The following ANO10 variants were observed in gnomAD, a reference collection of about 807,000 sequenced individuals.
The protein encoded by ANO10 is anoctamin 10.
Under a neutral mutation model 74.7 loss-of-function variants are expected in ANO10, and 77 were observed. The observed-to-expected ratio is 1.03, with a 90% CI of 0.86 to 1.25. The LOEUF (loss-of-function observed/expected upper bound fraction) is 1.25. ANO10 is among the 50% of genes most tolerant of loss of function. ANO10 has a pLI of 0.00. For synonymous variants in ANO10, 279 were observed against 284.9 expected (o/e 0.98, Z 0.21); for missense variants, 721 against 778.1 (o/e 0.93, Z 0.87).
At chr3:43,625,349 A>G (rs1368209987), upstream of ANO10, among the ~76,000 whole-genome samples, 1 of 152,208 alleles carries the variant, frequency 6.6e-6, no homozygotes, top group Non-Finnish European at 1.5e-5. Flanking sequence ...AAGGAGAAAA[A>G]AATAAAAACA....
At chr3:43,417,773 C>CT (rs1475990284) in intron 12 of ANO10, among the ~76,000 whole-genome samples, 1 of 152,128 alleles carries the variant, frequency 6.6e-6, no homozygotes, top group East Asian at 1.9e-4. Flanking sequence ...TGCTAGTGCT[C>CT]TATCAATGGC....
At position 43,566,262 on chromosome 3, in the gene ANO10, G is replaced by A. The variant is rs572693330; in HGVS notation, c.1219-535C>T. Among the ~76,000 whole-genome samples, 796 of 152,336 alleles carry A rather than the reference G, an allele frequency of 5.2e-3. 5 individuals are homozygous for A. Among genetic ancestry groups the A allele is most frequent in the African/African-American group, 0.017 (723 of 41,580 alleles). ...AAGGCGGCAGCGAGGCTGGGGGAGG[G>A]GCGCCCGCCATTGCCCAGGCTTGAT... On this transcript the variant is annotated intron_variant, in intron 7 of 12. Coordinates refer to ENST00000292246, the MANE Select transcript of ANO10 (RefSeq NM_018075.5).
At chr3:43,626,265 T>G (rs1256026408), upstream of ANO10, among the ~76,000 whole-genome samples, 1 of 150,454 alleles carries the variant, frequency 6.6e-6, no homozygotes, top group Non-Finnish European at 1.5e-5. Flanking sequence ...CATGGTTTCT[T>G]GTTTACATCT....
At chr3:43,402,848 C>A (rs906156) in intron 12 of ANO10, among the ~76,000 whole-genome samples, 149,379 of 152,318 alleles carry the variant, frequency 0.98, 73,315 homozygotes, top group East Asian at 1. Context: ...ATGCCCTACA[C>A]CAAATAAACA....
chr3:43,481,847 G>A (rs2076279968), intron 11 of ANO10, among the ~76,000 whole-genome samples: 2 of 151,846 alleles, frequency 1.3e-5, no homozygotes, highest in South Asian at 4.2e-4. Context: ...AGTCCACAGT[G>A]CCTGAACCTC....
chr3:43,448,690 A>C (rs2093284376), intron 11 of ANO10, among the ~76,000 whole-genome samples: 1 of 152,188 alleles, frequency 6.6e-6, no homozygotes, highest in Admixed American at 6.5e-5. Flanking sequence ...ATAAGTTTTC[A>C]ACCCATTTGG....
At chr3:43,502,806 CA>C (rs1449699771) in intron 11 of ANO10, among the ~76,000 whole-genome samples, 1 of 152,082 alleles carries the variant, frequency 6.6e-6, no homozygotes, top group Non-Finnish European at 1.5e-5. Context: ...ACCCTGAGGA[CA>C]TTATGGGAAA....
intron 12 of ANO10, among the ~76,000 whole-genome samples, chr3:43,376,260 C>T (rs2091802888): frequency 6.6e-6 from 1 of 152,168 alleles, no homozygotes; most frequent in Non-Finnish European, 1.5e-5. Context: ...AGAGAAAAAG[C>T]TAGTAACAGA....
At chr3:43,389,496 T>G (rs1447982722) in intron 12 of ANO10, among the ~76,000 whole-genome samples, 1 of 152,218 alleles carries the variant, frequency 6.6e-6, no homozygotes, top group Non-Finnish European at 1.5e-5. Context: ...TGGATGGATC[T>G]AGGAGAAGAA....
At chr3:43,599,542 C>G (rs867119172) in intron 3 of ANO10, among the ~76,000 whole-genome samples, 1 of 152,046 alleles carries the variant, frequency 6.6e-6, no homozygotes, top group Non-Finnish European at 1.5e-5. Flanking sequence ...AGAAAATAAT[C>G]TCTACTTATG....
intron 11 of ANO10, among the ~76,000 whole-genome samples, chr3:43,490,449 T>C (rs2076676195): frequency 6.6e-6 from 1 of 152,188 alleles, no homozygotes; most frequent in Non-Finnish European, 1.5e-5. Flanking sequence ...AGGACTCCTT[T>C]TAAAACAAGG....
At chr3:43,402,108 G>T (rs1190917178) in intron 12 of ANO10, among the ~76,000 whole-genome samples, 1 of 152,194 alleles carries the variant, frequency 6.6e-6, no homozygotes, top group Non-Finnish European at 1.5e-5. Context: ...TGGCATGCCT[G>T]CTCACTCACT....
Position 43,366,508 on chromosome 3 carries a change from C to T in ANO10, c.*398G>A. The T allele has an allele frequency of 2.7e-6, 1 of 364,064 alleles. No individual in the cohort carries two copies. The highest frequency in any genetic ancestry group is 6.9e-5 in the East Asian group (1 of 14,568). 22.6% of individuals were successfully genotyped at this position (364,064 alleles called of 1,614,324 possible). On this transcript the variant is annotated 3_prime_UTR_variant, in exon 13 of 13. Transcript: ENST00000292246. ...CTGTGATGAGCACAGTGGGCACACA[C>T]CCCATCCCCAACCTGTCCACGGGTC...
intron 4 of ANO10, among the ~76,000 whole-genome samples, chr3:43,582,970 G>A (rs1575480758): frequency 6.6e-6 from 1 of 152,116 alleles, no homozygotes; most frequent in African/African-American, 2.4e-5. Flanking sequence ...CACTACTCTT[G>A]TAAATTACTA....
At chr3:43,510,431 C>CAAAA (rs58246025) in intron 11 of ANO10, among the ~76,000 whole-genome samples, 27 of 131,192 alleles carry the variant, frequency 2.1e-4, no homozygotes, top group African/African-American at 7.5e-4. Context: ...AACTCTGTCT[C>CAAAA]AAAAAAAAAA....
chr3:43,596,055 G>A (rs183957407), intron 4 of ANO10, among the ~76,000 whole-genome samples: 126 of 152,228 alleles, frequency 8.3e-4, no homozygotes, highest in African/African-American at 2.8e-3. Context: ...CAACTTACAA[G>A]GGATGTGAAG....
chr3:43,484,979 A>G (rs2076412936), intron 11 of ANO10: 3 of 1,393,306 alleles, frequency 2.2e-6, no homozygotes. Context: ...CACCTAGAAG[A>G]AGGTGTTGGG....
intron 11 of ANO10, among the ~76,000 whole-genome samples, chr3:43,536,995 C>A (rs1409350567): frequency 2.8e-3 from 217 of 78,478 alleles, no homozygotes; most frequent in African/African-American, 3.3e-3. Flanking sequence ...TTTCATCACT[C>A]AAAAAAAAAA....
At chr3:43,430,846 TA>T (rs1468213349) in intron 12 of ANO10, among the ~76,000 whole-genome samples, 7 of 151,802 alleles carry the variant, frequency 4.6e-5, no homozygotes, top group African/African-American at 1.2e-4. Flanking sequence ...CAGTAAAGTT[TA>T]AAAAAAATTG....
Sources: gnomAD v4.1 joint callset for allele counts (sites outside exome capture counted in the v4.1 genomes callset) on GRCh38, gnomAD v4.1.1 for gene constraint, MANE v1.5 for transcripts, NCBI Gene and HGNC (gene_info 2026-07-23, HGNC 2026-07-21) for gene names.